Variants in FZR1 observed in about 807,000 individuals in gnomAD.
FZR1 encodes the protein fizzy-related protein homolog.
In FZR1, 11 loss-of-function variants were observed where a neutral mutation model predicts 63.6. That is an observed-to-expected ratio of 0.17 (90% CI 0.11 to 0.29). FZR1 has a LOEUF of 0.29. Among genes scored for constraint, FZR1 ranks in the 10% least tolerant of loss-of-function variants. FZR1 has a pLI of 1.00. For missense variants in FZR1, 440 were observed against 687.5 expected (o/e 0.64, Z 4.03); for synonymous variants, 328 against 297.9 (o/e 1.10, Z -1.04).
At position 3,514,570 on chromosome 19, in the gene FZR1, A is replaced by G. The variant is rs1390798577; in HGVS notation, c.-35+8096A>G. On this transcript the variant is annotated intron_variant, in intron 1 of 13. Transcript: ENST00000441788. This position sits in a 1 kb window ranked among gnomAD's most constrained non-coding sequence, Gnocchi z 4.2. The stretch of plus-strand genomic sequence containing the variant: ...AAGACCCCCTGGGTTATGGGATTCC[A>G]TGGACCCCCAAGAGACTCTGCGTCC... Among the ~76,000 whole-genome samples the G allele has an allele frequency of 6.6e-6, 1 of 152,040 alleles. No individual in the cohort carries two copies. Among genetic ancestry groups the G allele is most frequent in the Admixed American group, 6.5e-5 (1 of 15,272 alleles).
At chr19:3,513,464 C>T (rs1020883478) in intron 1 of FZR1, among the ~76,000 whole-genome samples, 14 of 152,218 alleles carry the variant, frequency 9.2e-5, no homozygotes, top group African/African-American at 2.4e-4. Flanking sequence ...GCTGGATTCA[C>T]GTCCCAGCTC....
At chr19:3,534,749 C>T (rs769245582) in intron 13 of FZR1, 46 bp from the exon 14 acceptor site, 2 of 1,586,430 alleles carry the variant, frequency 1.3e-6, no homozygotes, top group African/African-American at 1.3e-5. Context: ...CAGCTTCCTC[C>T]CTGGGCCTGC....
chr19:3,523,276 A>T (rs1290595567), intron 2 of FZR1, among the ~76,000 whole-genome samples: 1 of 152,214 alleles, frequency 6.6e-6, no homozygotes, highest in African/African-American at 2.4e-5. Flanking sequence ...ATGGATGAGG[A>T]GGCAAAAGGC....
intron 1 of FZR1, among the ~76,000 whole-genome samples, chr19:3,507,377 C>A (rs1040128497): frequency 1.3e-5 from 2 of 151,742 alleles, no homozygotes; most frequent in African/African-American, 4.8e-5. Context: ...CCTGTGACAC[C>A]CCCTCCCCCT....
Position 3,536,803 on chromosome 19 carries a change from G to T in FZR1, c.*1967G>T, listed in dbSNP as rs964479628. 2.0e-5 allele frequency: 3 copies of T among 152,382 alleles called. No individual in the cohort carries two copies. The highest frequency in any genetic ancestry group is 3.9e-4 in the East Asian group (2 of 5,182). 9.4% of individuals were successfully genotyped at this position (152,382 alleles called of 1,614,324 possible). A position where few individuals can be genotyped will look rare whatever the true frequency, so the allele number is the denominator to read the frequency against. Reference sequence around the variant, plus strand: ...GTCCCCGGCTCGGGTGGGGTCACACGGTCCTGCCCTAGAGTCCCCATCTGG... The same window carrying T: ...GTCCCCGGCTCGGGTGGGGTCACACTGTCCTGCCCTAGAGTCCCCATCTGG... On this transcript the variant is annotated 3_prime_UTR_variant, in exon 14 of 14. Transcript: ENST00000441788.
chr19:3,512,041 G>A (rs891971421), intron 1 of FZR1, among the ~76,000 whole-genome samples: 2 of 152,124 alleles, frequency 1.3e-5, no homozygotes, highest in African/African-American at 4.8e-5. Flanking sequence ...ACCTGCCCCG[G>A]GAGCCCCATT....
rs550803498 is a variant in FZR1 at position 3,525,822 on chromosome 19, G to A, written c.70-46G>A. On this transcript the variant is annotated intron_variant, in intron 2 of 13. Transcript: ENST00000441788. The surrounding 1 kb of genome is among the most constrained non-coding windows in gnomAD (Gnocchi z 4.2). ...AGAGGCTGGCCTGGGGGCACTCTCG[G>A]GGGGCTCTCGGTGCTGAGAGCAAGC... The A allele has an allele frequency of 6.3e-7, 1 of 1,596,562 alleles. No individual in the cohort carries two copies. The highest frequency in any genetic ancestry group is 1.3e-5 in the African/African-American group (1 of 74,814).
intron 7 of FZR1, among the ~76,000 whole-genome samples, chr19:3,529,403 G>GGA (rs2083206226): frequency 6.9e-6 from 1 of 145,936 alleles, no homozygotes; most frequent in African/African-American, 2.6e-5. Flanking sequence ...TGAGCGGATG[G>GGA]GAGAGCAGAT....
At chr19:3,522,905 T>C in intron 1 of FZR1, 51 bp from the exon 2 acceptor site, 2 of 943,958 alleles carry the variant, frequency 2.1e-6, no homozygotes, top group Middle Eastern at 4.2e-4. Context: ...CCCCGTGGTC[T>C]CCGGGCAGCC....
At chr19:3,522,868 C>T (rs2083115682) in intron 1 of FZR1, 88 bp from the exon 2 acceptor site, 2 of 745,332 alleles carry the variant, frequency 2.7e-6, no homozygotes, top group East Asian at 2.5e-5. Flanking sequence ...GTCACTCTAG[C>T]TCCCAGGGCC....
In FZR1 at chr19:3,525,717, C is replaced by T. The variant is rs190474126; in HGVS notation, c.70-151C>T. ...TCGGCCTCCCAAAGTGCTGGGATTACGGGCGTGAGCCACCGCGCCTGGCCC... is the reference window on the plus strand; with the variant it reads ...TCGGCCTCCCAAAGTGCTGGGATTATGGGCGTGAGCCACCGCGCCTGGCCC... On this transcript the variant is annotated intron_variant, in intron 2 of 13. Coordinates refer to ENST00000441788, the MANE Select transcript of FZR1 (RefSeq NM_016263.4). This position sits in a 1 kb window ranked among gnomAD's most constrained non-coding sequence, Gnocchi z 4.2. The T allele has an allele frequency of 1.1e-4, 94 of 850,858 alleles. 1 individual carries two copies. The East Asian group carries it at 2.2e-3, about 20-fold the overall frequency. The allele number at this position is 850,858 out of a possible 1,614,324, so 52.7% of individuals were successfully genotyped here.
chr19:3,527,892 C>T (rs1382466501), intron 7 of FZR1, 78 bp downstream of exon 7: 2 of 1,175,314 alleles, frequency 1.7e-6, no homozygotes, highest in East Asian at 2.5e-5. Context: ...CACCGGGATC[C>T]AGGGAGCATC....
At chr19:3,520,776 AG>A (rs1231143605) in intron 1 of FZR1, among the ~76,000 whole-genome samples, 2 of 152,238 alleles carry the variant, frequency 1.3e-5, no homozygotes, top group Non-Finnish European at 2.9e-5. Flanking sequence ...GGTGGCAATC[AG>A]GCCAACCGCC....
chr19:3,524,856 C>T (rs992212328), intron 2 of FZR1, among the ~76,000 whole-genome samples: 8 of 152,164 alleles, frequency 5.3e-5, no homozygotes, highest in African/African-American at 1.7e-4. Context: ...TATGAGGATG[C>T]TTGTCATCAA....
In FZR1 at chr19:3,525,063, C is replaced by A. The variant is rs183506855; in HGVS notation, c.70-805C>A. 6.6e-6 allele frequency among the ~76,000 whole-genome samples: 1 copy of A among 152,186 alleles called. No homozygotes were observed. The highest frequency in any genetic ancestry group is 2.4e-5 in the African/African-American group (1 of 41,528). On this transcript the variant is annotated intron_variant, in intron 2 of 13. Coordinates refer to ENST00000441788, the MANE Select transcript of FZR1 (RefSeq NM_016263.4). The surrounding 1 kb of genome is among the most constrained non-coding windows in gnomAD (Gnocchi z 4.2). The stretch of plus-strand genomic sequence containing the variant: ...AGTCAGATGGGGTTGGAGGGTTAGA[C>A]GGGTGTTGTGGGCAGCAGGAGATGG...
chr19:3,530,956 G>C, intron 8 of FZR1, 99 bp downstream of exon 8: 1 of 835,060 alleles, frequency 1.2e-6, no homozygotes, highest in Non-Finnish European at 1.9e-6. Flanking sequence ...CGTGGCCTGA[G>C]GTCGCCTGTG....
Position 3,526,720 on chromosome 19 carries a change from G to GC in FZR1, c.388-256dup, listed in dbSNP as rs1167259494. On this transcript the variant is annotated intron_variant, in intron 5 of 13. Coordinates refer to ENST00000441788, the MANE Select transcript of FZR1 (RefSeq NM_016263.4). This position sits in a 1 kb window ranked among gnomAD's most constrained non-coding sequence, Gnocchi z 5.4. ...GGGCAGTACTGGGTCCTCCCACAGG[G>GC]CCCCACTCTGTCCACATGATCCGGG... 1.4e-5 allele frequency among the ~76,000 whole-genome samples: 2 copies of GC among 146,264 alleles called. No homozygotes were observed. Among genetic ancestry groups the GC allele is most frequent in the African/African-American group, 2.4e-5 (1 of 40,826 alleles).
intron 6 of FZR1, among the ~76,000 whole-genome samples, chr19:3,527,274 G>T (rs1336170698): frequency 2.0e-5 from 3 of 152,202 alleles, no homozygotes; most frequent in Non-Finnish European, 4.4e-5. Context: ...TGAGGCCATG[G>T]TCAGTAATAG....
intron 10 of FZR1, 139 bp downstream of exon 10, chr19:3,532,234 C>A (rs1472286605): frequency 4.2e-6 from 4 of 956,744 alleles, no homozygotes; most frequent in East Asian, 2.6e-5. Flanking sequence ...CAGGCTTGTC[C>A]TTCCTGCTCA....
Sources: gnomAD v4.1 joint callset for allele counts (sites outside exome capture counted in the v4.1 genomes callset) on GRCh38, gnomAD v4.1.1 for gene constraint, Gnocchi (gnomAD v3.1) non-coding constraint, MANE v1.5 for transcripts, NCBI Gene and HGNC (gene_info 2026-07-23, HGNC 2026-07-21) for gene names.